Variants in SGCD observed in about 807,000 individuals in gnomAD.
SGCD encodes sarcoglycan delta.
In SGCD, 18 loss-of-function variants were observed where a neutral mutation model predicts 36.6. The ratio of observed to expected loss-of-function variants is 0.49; its 90% CI spans 0.34 to 0.73. The LOEUF is 0.73. SGCD is among the 30% of genes least tolerant of loss of function. The pLI is 0.01. For missense variants in SGCD, 387 were observed against 346.7 expected, an observed-to-expected ratio of 1.12 and a Z score of -0.92; for synonymous variants, 133 against 130.6, an observed-to-expected ratio of 1.02 and a Z score of -0.12.
At chr5:155,900,872 A>G (rs899479304) in intron 1 of SGCD, among the ~76,000 whole-genome samples, 1 of 152,182 alleles carries the variant, frequency 6.6e-6, no homozygotes, top group Non-Finnish European at 1.5e-5. Context: ...CAATTTGATG[A>G]GTTCAGAAAT....
chr5:155,836,475 CG>C, the SGCD span, among the ~76,000 whole-genome samples: 68,415 of 138,342 alleles, frequency 0.49, 16,710 homozygotes, highest in African/African-American at 0.6. Flanking sequence ...TACCCACCCC[CG>C]CCCCGCACTC....
intron 1 of SGCD, among the ~76,000 whole-genome samples, chr5:155,908,000 G>A (rs1056319010): frequency 3.9e-5 from 6 of 152,088 alleles, no homozygotes; most frequent in African/African-American, 1.4e-4. Flanking sequence ...CTCCAACACT[G>A]AGCAATTACC....
intron 3 of SGCD, among the ~76,000 whole-genome samples, chr5:156,496,475 G>A (rs983323841): frequency 2.6e-5 from 4 of 152,030 alleles, no homozygotes; most frequent in African/African-American, 7.2e-5. Flanking sequence ...AGCCAGACTC[G>A]ACTGTATGTG....
intron 1 of SGCD, among the ~76,000 whole-genome samples, chr5:156,013,721 T>G (rs1425372855): frequency 6.6e-6 from 1 of 152,192 alleles, no homozygotes; most frequent in Non-Finnish European, 1.5e-5. Context: ...AAGGTTAACG[T>G]TTTATCTTCC....
intron 1 of SGCD, among the ~76,000 whole-genome samples, chr5:155,974,863 C>T (rs1758078228): frequency 6.6e-6 from 1 of 152,000 alleles, no homozygotes; most frequent in Non-Finnish European, 1.5e-5. Flanking sequence ...ATATCTGGTC[C>T]TTCTATCCTG....
intron 3 of SGCD, among the ~76,000 whole-genome samples, chr5:156,438,543 A>C (rs1051327408): frequency 3.3e-5 from 5 of 151,988 alleles, no homozygotes; most frequent in African/African-American, 1.2e-4. Context: ...CTCCACTTCA[A>C]CTCCCACCTT....
chr5:156,243,470 G>T (rs917014868), intron 3 of SGCD, among the ~76,000 whole-genome samples: 1 of 152,122 alleles, frequency 6.6e-6, no homozygotes, highest in African/African-American at 2.4e-5. Flanking sequence ...AAAAAATATG[G>T]AAAAGAAGAA....
chr5:156,560,342 C>T (rs1759217402), intron 4 of SGCD, among the ~76,000 whole-genome samples: 1 of 152,108 alleles, frequency 6.6e-6, no homozygotes, highest in Non-Finnish European at 1.5e-5. Flanking sequence ...CCCTTACTTT[C>T]GATGGCATGT....
intron 3 of SGCD, among the ~76,000 whole-genome samples, chr5:156,247,776 C>T (rs1392056022): frequency 5.3e-5 from 8 of 152,260 alleles, no homozygotes; most frequent in Middle Eastern, 3.4e-3. Flanking sequence ...GTACTTTTTG[C>T]TCTCATGTTG....
chr5:156,168,817 A>G (rs1483666957), intron 3 of SGCD, among the ~76,000 whole-genome samples: 2 of 152,224 alleles, frequency 1.3e-5, no homozygotes, highest in Non-Finnish European at 2.9e-5. Flanking sequence ...TCTGAGAGAT[A>G]GAAGAGTAAG....
intron 7 of SGCD, among the ~76,000 whole-genome samples, chr5:156,696,108 A>T (rs1754308897): frequency 6.6e-6 from 1 of 152,204 alleles, no homozygotes; most frequent in African/African-American, 2.4e-5. Context: ...GGAACTGTTC[A>T]TGTGGGGTCA....
intron 1 of SGCD, among the ~76,000 whole-genome samples, chr5:156,070,599 G>C (rs1340882881): frequency 6.6e-6 from 1 of 151,738 alleles, no homozygotes; most frequent in African/African-American, 2.4e-5. Context: ...TCTCTTTTTT[G>C]GTTGTGTCTC....
chr5:155,740,790 C>T, the SGCD span, among the ~76,000 whole-genome samples: 1 of 152,156 alleles, frequency 6.6e-6, no homozygotes, highest in Non-Finnish European at 1.5e-5. Flanking sequence ...AATATTCATC[C>T]AGAAACAAGT....
chr5:156,181,415 TAAAAAC>T (rs1386310039), intron 3 of SGCD, among the ~76,000 whole-genome samples: 1 of 152,122 alleles, frequency 6.6e-6, no homozygotes, highest in African/African-American at 2.4e-5. Flanking sequence ...ATTTTTCAAA[TAAAAAC>T]AAATCTGAAT....
chr5:156,144,729 C>T (rs1762670965), intron 3 of SGCD, among the ~76,000 whole-genome samples: 1 of 152,176 alleles, frequency 6.6e-6, no homozygotes, highest in Non-Finnish European at 1.5e-5. Context: ...TGTGCAGAAG[C>T]TATTTAGTTT....
intron 3 of SGCD, among the ~76,000 whole-genome samples, chr5:156,167,542 T>C (rs1333209509): frequency 1.3e-5 from 2 of 152,126 alleles, no homozygotes; most frequent in African/African-American, 2.4e-5. Flanking sequence ...CTAGGAGGCG[T>C]CTGGATCATA....
At chr5:155,791,579 A>G in the SGCD span, among the ~76,000 whole-genome samples, 2 of 152,186 alleles carry the variant, frequency 1.3e-5, no homozygotes, top group African/African-American at 2.4e-5. Flanking sequence ...TACAAAATCA[A>G]TGTACAAAAA....
chr5:155,864,242 A>G, the SGCD span, among the ~76,000 whole-genome samples: 1 of 152,216 alleles, frequency 6.6e-6, no homozygotes, highest in Non-Finnish European at 1.5e-5. Context: ...GAGGGAGCGC[A>G]GTAGGCGGTT....
rs540285222 is a variant in SGCD at position 156,404,443 on chromosome 5, C to A, written c.192+59766C>A. Among the ~76,000 whole-genome samples the A allele has an allele frequency of 9.1e-4, 138 of 152,328 alleles. 1 individual carries two copies. The highest frequency in any genetic ancestry group is 3.0e-3 in the African/African-American group (126 of 41,578). Reference sequence around the variant, plus strand: ...CAAATGTCTTGATTAACATTTTAATCGATGTATCTTTCTTCCTAAGTCAGT... The same window carrying A: ...CAAATGTCTTGATTAACATTTTAATAGATGTATCTTTCTTCCTAAGTCAGT... On this transcript the variant is annotated intron_variant, in intron 3 of 8. Coordinates refer to ENST00000337851, the MANE Select transcript of SGCD (RefSeq NM_000337.6).
Sources: allele counts gnomAD v4.1 joint callset (sites outside exome capture counted in the v4.1 genomes callset), GRCh38; gene constraint gnomAD v4.1.1; transcripts MANE v1.5; gene names NCBI Gene and HGNC (gene_info 2026-07-23, HGNC 2026-07-21).